The following CNTN5 variants were observed in gnomAD, a reference collection of about 807,000 sequenced individuals.
CNTN5 encodes the protein contactin-5.
A neutral mutation model predicts 129.1 loss-of-function variants in CNTN5; 77 were observed. The observed-to-expected ratio is 0.60, with a 90% CI of 0.50 to 0.72. CNTN5 has a LOEUF of 0.72. CNTN5 is among the 30% of genes least tolerant of loss of function. The pLI, the probability that CNTN5 is intolerant of heterozygous loss-of-function variation, is 0.00. For synonymous variants in CNTN5, 509 were observed against 465.6 expected, an observed-to-expected ratio of 1.09 and a Z score of -1.20; for missense variants, 1,478 against 1,328.8, an observed-to-expected ratio of 1.11 and a Z score of -1.75.
intron 1 of CNTN5, among the ~76,000 whole-genome samples, chr11:99,127,065 C>T (rs1940511): frequency 0.18 from 27,689 of 151,984 alleles, 3,010 homozygotes; most frequent in East Asian, 0.41. Flanking sequence ...TTCCAACTTA[C>T]CTCTACAGCT....
chr11:100,230,041 G>C (rs1565357729), intron 16 of CNTN5, among the ~76,000 whole-genome samples: 1 of 152,094 alleles, frequency 6.6e-6, no homozygotes, highest in Non-Finnish European at 1.5e-5. Context: ...GAGTCAAAAA[G>C]ACAATGACAA....
chr11:99,641,326 A>T, intron 3 of CNTN5, among the ~76,000 whole-genome samples: 1 of 152,206 alleles, frequency 6.6e-6, no homozygotes, highest in South Asian at 2.1e-4. Flanking sequence ...CAACTTTGAT[A>T]ATAATAATGA....
At chr11:99,927,839 T>A (rs536151972) in intron 7 of CNTN5, among the ~76,000 whole-genome samples, 1 of 152,142 alleles carries the variant, frequency 6.6e-6, no homozygotes, top group African/African-American at 2.4e-5. Context: ...CATGCCCTTC[T>A]AACAGTCCCC....
At chr11:99,955,725 A>T (rs1444631853) in intron 7 of CNTN5, among the ~76,000 whole-genome samples, 3 of 146,184 alleles carry the variant, frequency 2.1e-5, no homozygotes, top group African/African-American at 7.5e-5. Context: ...GGCCCGGCTA[A>T]TTTTTTTTTT....
chr11:99,805,356 C>T (rs1232052720), intron 3 of CNTN5, among the ~76,000 whole-genome samples: 2 of 152,056 alleles, frequency 1.3e-5, no homozygotes, highest in Admixed American at 6.6e-5. Flanking sequence ...CATAAAAAAG[C>T]CCGAAGGTCA....
At chr11:99,820,302 C>T (rs1320735607) in intron 4 of CNTN5, among the ~76,000 whole-genome samples, 1 of 152,294 alleles carries the variant, frequency 6.6e-6, no homozygotes, top group African/African-American at 2.4e-5. Flanking sequence ...CAGTGAATAT[C>T]GGAAACATAA....
rs576993117 is a variant in CNTN5 at position 99,818,930 on chromosome 11, G to A, written c.56-614G>A. 7.3e-4 allele frequency among the ~76,000 whole-genome samples: 111 copies of A among 152,122 alleles called. 1 individual carries two copies. Among genetic ancestry groups the A allele is most frequent in the African/African-American group, 2.6e-3 (106 of 41,464 alleles). On this transcript the variant is annotated intron_variant, in intron 3 of 24. Transcript: ENST00000524871. ...TTCATTCATTTTTTTATGTACCAGA[G>A]TGAATTTGACTACTTTTCAAGAACA...
At chr11:99,898,915 C>A (rs370649532) in intron 6 of CNTN5, among the ~76,000 whole-genome samples, 8 of 151,938 alleles carry the variant, frequency 5.3e-5, no homozygotes, top group African/African-American at 9.7e-5. Context: ...CGTAAAGTTG[C>A]TTCTTTAGTG....
At chr11:99,045,633 A>C (rs1864175026) in intron 1 of CNTN5, among the ~76,000 whole-genome samples, 2 of 152,228 alleles carry the variant, frequency 1.3e-5, no homozygotes, top group Admixed American at 1.3e-4. Context: ...ATGCATTTTC[A>C]TCATATATCT....
chr11:99,609,988 T>C (rs952582959), intron 3 of CNTN5, among the ~76,000 whole-genome samples: 12 of 152,132 alleles, frequency 7.9e-5, no homozygotes, highest in Non-Finnish European at 1.6e-4. Context: ...ATTCAATCCT[T>C]ATAACATGTT....
intron 6 of CNTN5, among the ~76,000 whole-genome samples, chr11:99,910,497 T>G (rs1054005138): frequency 3.3e-5 from 5 of 152,120 alleles, no homozygotes; most frequent in African/African-American, 1.2e-4. Flanking sequence ...TTTAATAAGA[T>G]GTCCTTATTG....
chr11:100,135,176 GTT>G (rs10652749), intron 13 of CNTN5, among the ~76,000 whole-genome samples: 3,559 of 127,006 alleles, frequency 0.028, 96 homozygotes, highest in African/African-American at 0.097. Context: ...ATATAAAAGT[GTT>G]TTTTTTTTTT....
intron 4 of CNTN5, among the ~76,000 whole-genome samples, chr11:99,840,755 A>G (rs766733269): frequency 1.3e-5 from 2 of 152,156 alleles, no homozygotes; most frequent in South Asian, 2.1e-4. Context: ...TTAATTGGCT[A>G]TCAAGATCTT....
intron 1 of CNTN5, among the ~76,000 whole-genome samples, chr11:99,160,981 C>G (rs548629245): frequency 6.6e-6 from 1 of 152,064 alleles, no homozygotes; most frequent in Non-Finnish European, 1.5e-5. Context: ...TTACCAGGTA[C>G]AAATCTATAT....
chr11:100,155,840 T>C (rs1469529299), intron 13 of CNTN5, among the ~76,000 whole-genome samples: 1 of 152,158 alleles, frequency 6.6e-6, no homozygotes, highest in Non-Finnish European at 1.5e-5. Context: ...CTTGTGATTT[T>C]TGCACATTGA....
intron 1 of CNTN5, among the ~76,000 whole-genome samples, chr11:99,030,192 G>GT (rs202066307): frequency 0.011 from 1,680 of 151,074 alleles, 29 homozygotes; most frequent in African/African-American, 0.038. Context: ...CTAACTCATA[G>GT]TTTTTTTTTG....
intron 2 of CNTN5, among the ~76,000 whole-genome samples, chr11:99,336,519 T>G (rs1231757497): frequency 6.6e-6 from 1 of 152,182 alleles, no homozygotes; most frequent in Non-Finnish European, 1.5e-5. Context: ...ATTCCACAAT[T>G]TTCTTAATGT....
chr11:99,395,736 G>T (rs1051361681), intron 2 of CNTN5, among the ~76,000 whole-genome samples: 1 of 151,772 alleles, frequency 6.6e-6, no homozygotes, highest in African/African-American at 2.4e-5. Context: ...GTAAGGAAGG[G>T]GTCCAGCTTC....
rs563263979 is a variant in CNTN5 at position 99,403,693 on chromosome 11, T to C, written c.-71+78209T>C. On this transcript the variant is annotated intron_variant, in intron 2 of 24. Coordinates refer to ENST00000524871, the MANE Select transcript of CNTN5 (RefSeq NM_014361.4). ...AATTCCTCTTGTTATTGATTTCTAG[T>C]TTTATTCCATAGTAGTTAGAGAAGA... 2.0e-5 allele frequency among the ~76,000 whole-genome samples: 3 copies of C among 152,286 alleles called. No homozygotes were observed. The South Asian group carries it at 6.2e-4, about 32-fold the overall frequency.
Sources: allele counts gnomAD v4.1 joint callset (sites outside exome capture counted in the v4.1 genomes callset), GRCh38; gene constraint gnomAD v4.1.1; transcripts MANE v1.5; gene names NCBI Gene and HGNC (gene_info 2026-07-23, HGNC 2026-07-21).